Variants in SGCZ observed in about 807,000 individuals in gnomAD.
SGCZ encodes the protein zeta-sarcoglycan.
In SGCZ, 40 loss-of-function variants were observed where a neutral mutation model predicts 41.3. That is an observed-to-expected ratio of 0.97 (90% CI 0.75 to 1.26). The LOEUF (loss-of-function observed/expected upper bound fraction) is 1.26, where lower values mean the gene tolerates loss of function less well. Ranked by LOEUF, SGCZ falls within the 50% of genes most tolerant of loss-of-function variation. SGCZ has a pLI of 0.00. For synonymous variants in SGCZ, 206 were observed against 137.5 expected (o/e 1.50, Z -3.49); for missense variants, 552 against 369.8 (o/e 1.49, Z -4.04).
At chr8:14,528,202 G>A (rs573591998) in intron 2 of SGCZ, among the ~76,000 whole-genome samples, 4 of 151,996 alleles carry the variant, frequency 2.6e-5, no homozygotes, top group Admixed American at 1.3e-4. Flanking sequence ...ACTACATACC[G>A]AAGAATCCAT....
intron 1 of SGCZ, among the ~76,000 whole-genome samples, chr8:14,751,887 G>A (rs1441940): frequency 3.4e-4 from 51 of 150,992 alleles, no homozygotes; most frequent in South Asian, 1.0e-3. Context: ...AGCCAAAATC[G>A]CGCCACTGCA....
At chr8:14,795,398 T>C (rs1244691298) in intron 1 of SGCZ, among the ~76,000 whole-genome samples, 3 of 151,926 alleles carry the variant, frequency 2.0e-5, no homozygotes, top group Non-Finnish European at 4.4e-5. Context: ...AATACACTTA[T>C]CACCTGAGTA....
chr8:14,488,694 C>G (rs1801752687), intron 2 of SGCZ, among the ~76,000 whole-genome samples: 1 of 152,110 alleles, frequency 6.6e-6, no homozygotes, highest in Admixed American at 6.6e-5. Flanking sequence ...ATCACATTGA[C>G]CAACCACTCT....
chr8:14,409,859 G>C (rs1029239501), intron 2 of SGCZ, among the ~76,000 whole-genome samples: 1 of 152,058 alleles, frequency 6.6e-6, no homozygotes, highest in African/African-American at 2.4e-5. Context: ...TTACAAATAT[G>C]AACAGTTATT....
chr8:14,724,908 G>A (rs905608001), intron 1 of SGCZ, among the ~76,000 whole-genome samples: 1 of 151,864 alleles, frequency 6.6e-6, no homozygotes, highest in African/African-American at 2.4e-5. Context: ...GTCAACCATA[G>A]TCGCCCTATA....
chr8:14,750,261 A>G (rs536780968), intron 1 of SGCZ, among the ~76,000 whole-genome samples: 1 of 152,016 alleles, frequency 6.6e-6, no homozygotes, highest in African/African-American at 2.4e-5. Flanking sequence ...GGACCCAAGC[A>G]GGATTTAACA....
chr8:14,340,213 C>T (rs1346026392), intron 2 of SGCZ, among the ~76,000 whole-genome samples: 1 of 151,890 alleles, frequency 6.6e-6, no homozygotes. Context: ...TTAATGTATC[C>T]AGTTAAGATT....
At chr8:15,171,585 A>G (rs1010848368) in intron 1 of SGCZ, among the ~76,000 whole-genome samples, 4 of 152,212 alleles carry the variant, frequency 2.6e-5, no homozygotes, top group African/African-American at 9.6e-5. Context: ...AATTCAATTA[A>G]GTTCAGATTT....
intron 1 of SGCZ, among the ~76,000 whole-genome samples, chr8:15,175,336 G>T (rs1799963488): frequency 6.6e-6 from 1 of 151,904 alleles, no homozygotes. Context: ...GTACGCCATA[G>T]ATTACTATGC....
intron 5 of SGCZ, among the ~76,000 whole-genome samples, chr8:14,145,957 A>G (rs988474838): frequency 4.6e-5 from 7 of 152,206 alleles, no homozygotes; most frequent in Non-Finnish European, 1.0e-4. Context: ...AATAGCCTCC[A>G]ATGGGTAAAT....
At chr8:14,797,481 T>A (rs2119736) in intron 1 of SGCZ, among the ~76,000 whole-genome samples, 1 of 152,170 alleles carries the variant, frequency 6.6e-6, no homozygotes, top group Non-Finnish European at 1.5e-5. Context: ...ATTTAGGCTA[T>A]CTGGCAGAAG....
intron 5 of SGCZ, among the ~76,000 whole-genome samples, chr8:14,149,515 G>C (rs1803629774): frequency 1.3e-5 from 2 of 151,982 alleles, no homozygotes; most frequent in Non-Finnish European, 2.9e-5. Flanking sequence ...GAAAGAAATT[G>C]AAAGGAACGC....
At chr8:14,399,410 T>C (rs377478498) in intron 2 of SGCZ, among the ~76,000 whole-genome samples, 84 of 152,274 alleles carry the variant, frequency 5.5e-4, no homozygotes, top group African/African-American at 2.0e-3. Flanking sequence ...TCAGTGATGC[T>C]CAATCACACT....
At chr8:14,294,811 A>T (rs1800957260) in intron 3 of SGCZ, among the ~76,000 whole-genome samples, 1 of 152,078 alleles carries the variant, frequency 6.6e-6, no homozygotes, top group Non-Finnish European at 1.5e-5. Context: ...AAACATATGA[A>T]ATCGCTGTTA....
chr8:15,200,562 C>T (rs557465155), intron 1 of SGCZ, among the ~76,000 whole-genome samples: 4 of 152,218 alleles, frequency 2.6e-5, no homozygotes, highest in East Asian at 1.9e-4. Flanking sequence ...GAAGTAACTA[C>T]GAATAACTAT....
chr8:14,506,024 T>C (rs1802295111), intron 2 of SGCZ, among the ~76,000 whole-genome samples: 1 of 151,978 alleles, frequency 6.6e-6, no homozygotes, highest in African/African-American at 2.4e-5. Context: ...TTTTTTTTCA[T>C]TCAATGAAAA....
intron 1 of SGCZ, among the ~76,000 whole-genome samples, chr8:14,745,636 T>TAC (rs200845041): frequency 2.0e-5 from 3 of 151,752 alleles, no homozygotes; most frequent in African/African-American, 4.8e-5. Context: ...TGTACATATA[T>TAC]ACACACACAC....
At chr8:14,958,492 G>C (rs1202495470) in intron 1 of SGCZ, among the ~76,000 whole-genome samples, 1 of 151,984 alleles carries the variant, frequency 6.6e-6, no homozygotes, top group Non-Finnish European at 1.5e-5. Context: ...GTCACATCCT[G>C]AATGATGCCA....
At chr8:15,048,466 G>C (rs1361948974) in intron 1 of SGCZ, among the ~76,000 whole-genome samples, 1 of 152,002 alleles carries the variant, frequency 6.6e-6, no homozygotes, top group Non-Finnish European at 1.5e-5. Flanking sequence ...CTTCAAAATA[G>C]CTAGAATAGA....
Sources: gnomAD v4.1 joint callset for allele counts (sites outside exome capture counted in the v4.1 genomes callset) on GRCh38, gnomAD v4.1.1 for gene constraint, MANE v1.5 for transcripts, NCBI Gene and HGNC (gene_info 2026-07-23, HGNC 2026-07-21) for gene names.